Variants in CCDC148 observed in about 807,000 individuals in gnomAD.
CCDC148 encodes the protein coiled-coil domain containing 148.
CCDC148 carries 89 observed loss-of-function variants against 85.7 expected under a neutral mutation model. The ratio of observed to expected loss-of-function variants is 1.04; its 90% CI spans 0.87 to 1.24. The LOEUF is 1.24. CCDC148 is among the 50% of genes most tolerant of loss of function. CCDC148 has a pLI of 0.00. For missense variants in CCDC148, 692 were observed against 671.7 expected (o/e 1.03, Z -0.33); for synonymous variants, 230 against 213.9 (o/e 1.08, Z -0.66).
At chr2:158,280,337 G>T (rs1456020919) in intron 9 of CCDC148, among the ~76,000 whole-genome samples, 1 of 152,094 alleles carries the variant, frequency 6.6e-6, no homozygotes, top group East Asian at 1.9e-4. Flanking sequence ...CTGGCAAATT[G>T]GATAAAGAGT....
intron 11 of CCDC148, among the ~76,000 whole-genome samples, chr2:158,212,120 A>T (rs1280281013): frequency 1.3e-5 from 2 of 152,190 alleles, no homozygotes. Context: ...CATATAAAAT[A>T]CAAAACAGAC....
At chr2:158,217,391 T>TAC (rs1277632149) in intron 11 of CCDC148, among the ~76,000 whole-genome samples, 4,984 of 98,732 alleles carry the variant, frequency 0.05, 314 homozygotes, top group African/African-American at 0.14. Context: ...TATATATATA[T>TAC]ATACACACAC....
chr2:158,343,223 T>C (rs1682817934), intron 3 of CCDC148, among the ~76,000 whole-genome samples: 1 of 152,116 alleles, frequency 6.6e-6, no homozygotes, highest in Non-Finnish European at 1.5e-5. Flanking sequence ...CTAGACCAAT[T>C]GCATCTCAGG....
intron 1 of CCDC148, among the ~76,000 whole-genome samples, chr2:158,443,692 T>C (rs1414614904): frequency 6.6e-6 from 1 of 152,142 alleles, no homozygotes; most frequent in Non-Finnish European, 1.5e-5. Flanking sequence ...ACTGAGATCA[T>C]GTAGTATTTC....
intron 1 of CCDC148, chr2:158,366,184 A>G: frequency 1.4e-6 from 1 of 726,056 alleles, no homozygotes. Flanking sequence ...ACTGGGTGCC[A>G]TAATGCTTTT....
chr2:158,404,272 T>C (rs953283359), intron 1 of CCDC148, among the ~76,000 whole-genome samples: 1 of 152,106 alleles, frequency 6.6e-6, no homozygotes, highest in Admixed American at 6.6e-5. Flanking sequence ...ACCCTAACCA[T>C]GGTCTGTGCA....
intron 2 of CCDC148, among the ~76,000 whole-genome samples, chr2:158,355,559 A>G (rs1343170693): frequency 5.7e-5 from 8 of 140,008 alleles, no homozygotes; most frequent in Admixed American, 2.9e-4. Context: ...ACTACAAACC[A>G]CTGCTCAAGG....
intron 1 of CCDC148, among the ~76,000 whole-genome samples, chr2:158,413,080 G>A (rs1313280296): frequency 2.0e-5 from 3 of 151,814 alleles, no homozygotes; most frequent in Non-Finnish European, 4.4e-5. Flanking sequence ...TCCAAACAAG[G>A]TACTAAAATA....
At chr2:158,435,267 A>G (rs543512873) in intron 1 of CCDC148, among the ~76,000 whole-genome samples, 3 of 152,258 alleles carry the variant, frequency 2.0e-5, no homozygotes, top group East Asian at 1.9e-4. Flanking sequence ...CATCAGACTA[A>G]TAGCAGATCT....
intron 2 of CCDC148, among the ~76,000 whole-genome samples, chr2:158,357,919 G>A (rs994083904): frequency 4.6e-5 from 7 of 152,156 alleles, no homozygotes; most frequent in African/African-American, 1.7e-4. Flanking sequence ...GAGAATCACA[G>A]TGTGTGAGTA....
At chr2:158,377,423 T>C (rs1204356622) in intron 1 of CCDC148, among the ~76,000 whole-genome samples, 1 of 152,088 alleles carries the variant, frequency 6.6e-6, no homozygotes. Flanking sequence ...GTCATTAACA[T>C]ACGACTACCA....
At chr2:158,194,552 C>A (rs1685574428) in intron 11 of CCDC148, among the ~76,000 whole-genome samples, 1 of 152,064 alleles carries the variant, frequency 6.6e-6, no homozygotes, top group Non-Finnish European at 1.5e-5. Context: ...GATTCCTGGG[C>A]CTGCCCTAGG....
chr2:158,352,245 A>C (rs942002578), intron 2 of CCDC148, among the ~76,000 whole-genome samples: 43 of 151,020 alleles, frequency 2.8e-4, no homozygotes, highest in African/African-American at 9.5e-4. Flanking sequence ...TGACGAGCTG[A>C]GAGAAGAAGG....
At chr2:158,296,771 G>C (rs73968910) in intron 9 of CCDC148, among the ~76,000 whole-genome samples, 48,024 of 151,980 alleles carry the variant, frequency 0.32, 8,287 homozygotes, top group Middle Eastern at 0.45. Flanking sequence ...TTTAAGAGTA[G>C]GGCTACTTGG....
chr2:158,377,187 G>C (rs1684686552), intron 1 of CCDC148, among the ~76,000 whole-genome samples: 1 of 151,798 alleles, frequency 6.6e-6, no homozygotes, highest in African/African-American at 2.4e-5. Flanking sequence ...GAAAACTAGG[G>C]GAAGTGGAGG....
At chr2:158,284,532 G>T (rs1690522621) in intron 9 of CCDC148, among the ~76,000 whole-genome samples, 1 of 152,154 alleles carries the variant, frequency 6.6e-6, no homozygotes, top group South Asian at 2.1e-4. Context: ...ACTCAGGGAG[G>T]AGGACAGGGC....
At chr2:158,210,054 A>G (rs1421139162) in intron 11 of CCDC148, among the ~76,000 whole-genome samples, 1 of 152,222 alleles carries the variant, frequency 6.6e-6, no homozygotes, top group Admixed American at 6.5e-5. Context: ...GGTGTGCTCT[A>G]TTCAAGAGAC....
At chr2:158,300,325 A>C (rs1302759752) in intron 9 of CCDC148, among the ~76,000 whole-genome samples, 1 of 152,196 alleles carries the variant, frequency 6.6e-6, no homozygotes, top group Non-Finnish European at 1.5e-5. Flanking sequence ...AACACTGAAA[A>C]TCTAGGGCAG....
intron 1 of CCDC148, among the ~76,000 whole-genome samples, chr2:158,413,264 G>GT (rs899350003): frequency 4.1e-4 from 62 of 150,688 alleles, no homozygotes; most frequent in African/African-American, 8.3e-4. Context: ...TAAACTAACA[G>GT]TTTTTTTTTC....
Sources: allele counts gnomAD v4.1 joint callset (sites outside exome capture counted in the v4.1 genomes callset), GRCh38; gene constraint gnomAD v4.1.1; transcripts MANE v1.5; gene names NCBI Gene and HGNC (gene_info 2026-07-23, HGNC 2026-07-21).